DDX10: variants seen among roughly 807,000 people sequenced by gnomAD.
The protein encoded by DDX10 is DEAD-box helicase 10, also known as probable ATP-dependent RNA helicase DDX10.
Under a neutral mutation model 104.3 loss-of-function variants are expected in DDX10, and 74 were observed. The observed-to-expected ratio is 0.71, with a 90% CI of 0.59 to 0.86. The LOEUF is 0.86. DDX10 is among the 40% of genes least tolerant of loss of function. The probability of loss-of-function intolerance (pLI) is 0.00; values close to 1 mark genes in which losing one functional copy is unlikely to be tolerated. For missense variants in DDX10, 952 were observed against 1,040.0 expected (o/e 0.92, Z 1.16); for synonymous variants, 351 against 353.4 (o/e 0.99, Z 0.08).
At chr11:108,783,384 AG>A in intron 13 of DDX10, among the ~76,000 whole-genome samples, 1 of 152,284 alleles carries the variant, frequency 6.6e-6, no homozygotes, top group Non-Finnish European at 1.5e-5. Flanking sequence ...GCTATATTGA[AG>A]AGCGTTGATA....
chr11:108,864,727 T>C lies in DDX10; in HGVS notation c.2304+12518T>C, dbSNP rs2553753. 2.0e-5 allele frequency among the ~76,000 whole-genome samples: 3 copies of C among 152,308 alleles called. No individual in the cohort carries two copies. The East Asian group carries it at 5.8e-4, about 29-fold the overall frequency. ...CTCTCACCTCAGCCTTCCAAAGTAC[T>C]GGGATTACAGGTGTGAGCCACCGTG... On this transcript the variant is annotated intron_variant, in intron 16 of 17. Transcript: ENST00000322536.
At chr11:108,672,088 G>GAATATGGT (rs1338885217) in intron 1 of DDX10, among the ~76,000 whole-genome samples, 1 of 141,206 alleles carries the variant, frequency 7.1e-6, no homozygotes, top group Non-Finnish European at 1.6e-5. Context: ...AAAAAAAAAG[G>GAATATGGT]AATATGGTAT....
chr11:108,713,393 G>A (rs1298235124), intron 10 of DDX10, among the ~76,000 whole-genome samples: 1 of 152,114 alleles, frequency 6.6e-6, no homozygotes, highest in African/African-American at 2.4e-5. Context: ...AGGTTTGGAA[G>A]TTTTTATCAA....
intron 10 of DDX10, among the ~76,000 whole-genome samples, chr11:108,708,390 G>T: frequency 6.8e-6 from 1 of 146,150 alleles, no homozygotes; most frequent in Non-Finnish European, 1.5e-5. Context: ...TTGCATTCCT[G>T]GGATAATTCT....
intron 16 of DDX10, among the ~76,000 whole-genome samples, chr11:108,891,801 G>A (rs888516437): frequency 6.6e-6 from 1 of 152,160 alleles, no homozygotes; most frequent in African/African-American, 2.4e-5. Flanking sequence ...GAATTTGTGA[G>A]CAGCAGGCAT....
intron 6 of DDX10, among the ~76,000 whole-genome samples, chr11:108,688,505 C>A (rs1034419693): frequency 6.6e-6 from 1 of 152,126 alleles, no homozygotes; most frequent in African/African-American, 2.4e-5. Context: ...AATATTTGAA[C>A]AGATTTTTTT....
intron 13 of DDX10, among the ~76,000 whole-genome samples, chr11:108,770,046 A>G (rs919849859): frequency 3.9e-5 from 6 of 152,368 alleles, no homozygotes; most frequent in African/African-American, 1.2e-4. Flanking sequence ...TCAGAGTTCA[A>G]TCTGTTGCAA....
chr11:108,846,552 G>A (rs1347219423), intron 15 of DDX10, among the ~76,000 whole-genome samples: 1 of 152,076 alleles, frequency 6.6e-6, no homozygotes, highest in Non-Finnish European at 1.5e-5. Flanking sequence ...TTACCCCTCT[G>A]CCTGGCTTAT....
At chr11:108,750,181 A>G (rs1448667714) in intron 13 of DDX10, among the ~76,000 whole-genome samples, 1 of 152,136 alleles carries the variant, frequency 6.6e-6, no homozygotes, top group East Asian at 1.9e-4. Flanking sequence ...GTTGTTGGAG[A>G]GTGTCATTGT....
chr11:108,708,190 C>T (rs1381586637), intron 10 of DDX10, among the ~76,000 whole-genome samples: 5 of 141,542 alleles, frequency 3.5e-5, no homozygotes, highest in Non-Finnish European at 7.5e-5. Context: ...AAATTGTCCT[C>T]TATTCCTAGT....
At chr11:108,749,883 A>G (rs1005806602) in intron 13 of DDX10, among the ~76,000 whole-genome samples, 2 of 152,198 alleles carry the variant, frequency 1.3e-5, no homozygotes, top group Admixed American at 6.5e-5. Flanking sequence ...GAAATTTTAC[A>G]TGTAATTTTT....
chr11:108,769,842 A>G (rs563193568), intron 13 of DDX10, among the ~76,000 whole-genome samples: 1 of 152,348 alleles, frequency 6.6e-6, no homozygotes, highest in South Asian at 2.1e-4. Context: ...TGTATCAGAC[A>G]TTAACACTGA....
In DDX10 at chr11:108,679,505, C is replaced by G; in HGVS notation, c.793C>G (p.Arg265Gly). The change falls in exon 6 of 18, where the codon CGC (arginine) becomes GGC (glycine). Residue 265 changes from arginine (R) to glycine (G), a missense_variant. Physicochemically the swap from Arg to Gly is moderately radical, Grantham distance 125 (BLOSUM62 -2). Transcript: ENST00000322536. Reference sequence around the variant, plus strand: ...AACTAAATCTGTAAAGGACCTTGCACGCTTGAGTTTGAAAAACCCTGAGTA... The same window carrying G: ...AACTAAATCTGTAAAGGACCTTGCAGGCTTGAGTTTGAAAAACCCTGAGTA... ...TQTKSVKDLA[R>G]LSLKNPEYVW... 6.2e-7 allele frequency: 1 copy of G among 1,613,080 alleles called. No homozygotes were observed. Among genetic ancestry groups the G allele is most frequent in the Non-Finnish European group, 8.5e-7 (1 of 1,179,768 alleles).
At chr11:108,843,292 A>G (rs181856859) in intron 15 of DDX10, among the ~76,000 whole-genome samples, 2 of 152,058 alleles carry the variant, frequency 1.3e-5, no homozygotes, top group South Asian at 2.1e-4. Context: ...ACAAGAAAAA[A>G]CTAACATATG....
At chr11:108,934,877 C>T (rs1189053126) in intron 17 of DDX10, among the ~76,000 whole-genome samples, 1 of 152,188 alleles carries the variant, frequency 6.6e-6, no homozygotes, top group Non-Finnish European at 1.5e-5. Flanking sequence ...CCTGTGCACC[C>T]ACAGACTGGA....
At chr11:108,753,102 G>A (rs995657558) in intron 13 of DDX10, among the ~76,000 whole-genome samples, 3 of 151,960 alleles carry the variant, frequency 2.0e-5, no homozygotes, top group African/African-American at 4.8e-5. Context: ...TATTTCAGAA[G>A]GGAGAACTCT....
chr11:108,704,902 C>G (rs376408122), intron 9 of DDX10, among the ~76,000 whole-genome samples: 1 of 152,146 alleles, frequency 6.6e-6, no homozygotes, highest in African/African-American at 2.4e-5. Flanking sequence ...ATGGAAAACT[C>G]GACTACCCCA....
In DDX10 at chr11:108,784,653, C is replaced by T. The variant is rs184350814; in HGVS notation, c.1966-53793C>T. On this transcript the variant is annotated intron_variant, in intron 13 of 17. Transcript: ENST00000322536. ...TCTCCGATTCTGTAGGCTGTTTACT[C>T]TGTTGGGAATTTCTTTTGGTGTGCA... Among the ~76,000 whole-genome samples, 135 of 152,250 alleles carry T rather than the reference C, an allele frequency of 8.9e-4. 1 individual carries two copies. The highest frequency in any genetic ancestry group is 3.2e-3 in the African/African-American group (132 of 41,554).
At chr11:108,696,085 T>C (rs1458892009) in intron 9 of DDX10, among the ~76,000 whole-genome samples, 1 of 152,208 alleles carries the variant, frequency 6.6e-6, no homozygotes, top group Non-Finnish European at 1.5e-5. Context: ...AAATGGGACA[T>C]GGGTAGAATA....
Sources: gnomAD v4.1 joint callset for allele counts (sites outside exome capture counted in the v4.1 genomes callset) on GRCh38, gnomAD v4.1.1 for gene constraint, MANE v1.5 for transcripts, NCBI Gene and HGNC (gene_info 2026-07-23, HGNC 2026-07-21) for gene names.